TET2: variants seen among roughly 807,000 people sequenced by gnomAD.
TET2 encodes the protein methylcytosine dioxygenase TET2.
A neutral mutation model predicts 142.9 loss-of-function variants in TET2; 299 were observed. The ratio of observed to expected loss-of-function variants is 2.09; its 90% CI spans 1.90 to 2.30. TET2 has a LOEUF of 2.30. TET2 is among the 30% of genes most tolerant of loss of function. The pLI, the probability that TET2 is intolerant of heterozygous loss-of-function variation, is 0.00. For missense variants in TET2, 2,418 were observed against 2,378.0 expected (o/e 1.02, Z -0.35); for synonymous variants, 819 against 849.0 (o/e 0.96, Z 0.61).
intron 3 of TET2, chr4:105,239,016 G>C (rs1251860597): frequency 4.1e-6 from 1 of 242,350 alleles, no homozygotes; most frequent in African/African-American, 2.2e-5. Flanking sequence ...CGGAGCTCTT[G>C]GGTGACTAGG....
At chr4:105,213,875 T>C (rs1442307639) in intron 2 of TET2, among the ~76,000 whole-genome samples, 1 of 152,190 alleles carries the variant, frequency 6.6e-6, no homozygotes, top group African/African-American at 2.4e-5. Flanking sequence ...GCTACGTTTT[T>C]TTAAGGCAGA....
At chr4:105,207,968 T>C (rs1456916100) in intron 2 of TET2, among the ~76,000 whole-genome samples, 2 of 152,168 alleles carry the variant, frequency 1.3e-5, no homozygotes, top group African/African-American at 2.4e-5. Context: ...AATTCCATTT[T>C]GGATAAGTTG....
At chr4:105,247,714 C>CTTTTT (rs1206510081) in intron 6 of TET2, among the ~76,000 whole-genome samples, 3,089 of 65,440 alleles carry the variant, frequency 0.047, 3 homozygotes, top group Middle Eastern at 0.083. Flanking sequence ...TTTTTCTTTT[C>CTTTTT]TTTTTTTTTT....
chr4:105,230,053 ATT>A (rs1491539939), intron 2 of TET2, among the ~76,000 whole-genome samples: 4 of 151,788 alleles, frequency 2.6e-5, no homozygotes, highest in African/African-American at 7.3e-5. Flanking sequence ...ATATATATAT[ATT>A]TTTTGAGACA....
rs1731153559 is a variant in TET2, at chr4:105,275,307, C to T, written c.4797C>T (p.Ser1599=). The change falls in exon 11 of 11, where the codon TCC becomes TCT. Residue 1599 remains serine, a synonymous_variant. Coordinates refer to ENST00000380013, the MANE Select transcript of TET2 (RefSeq NM_001127208.3). The part of the protein sequence containing the change: ...YGSTSPMNFY[S]TSSQAAGSYL... ...GCACCAGCCCTATGAACTTCTATTC[C>T]ACCTCATCTCAAGCTGCAGGTTCAT... The T allele has an allele frequency of 1.9e-6, 3 of 1,551,978 alleles. No individual in the cohort carries two copies. The highest frequency in any genetic ancestry group is 2.4e-5 in the East Asian group (1 of 40,928).
intron 2 of TET2, among the ~76,000 whole-genome samples, chr4:105,231,145 T>A (rs1728483744): frequency 6.6e-6 from 1 of 152,168 alleles, no homozygotes; most frequent in Non-Finnish European, 1.5e-5. Context: ...TGCTTTTAAA[T>A]ATCTTTTAAT....
chr4:105,267,024 G>GA (rs1175799336), intron 8 of TET2, among the ~76,000 whole-genome samples: 1 of 151,170 alleles, frequency 6.6e-6, no homozygotes, highest in Non-Finnish European at 1.5e-5. Context: ...CACTAGGTGG[G>GA]AAAAAATAAG....
intron 6 of TET2, among the ~76,000 whole-genome samples, chr4:105,258,987 A>G (rs1014915410): frequency 6.6e-6 from 1 of 152,208 alleles, no homozygotes; most frequent in Non-Finnish European, 1.5e-5. Context: ...AAGTACAACT[A>G]CATGCAGTGA....
At chr4:105,159,710 A>G (rs1007452433) in intron 1 of TET2, among the ~76,000 whole-genome samples, 1 of 152,178 alleles carries the variant, frequency 6.6e-6, no homozygotes, top group Non-Finnish European at 1.5e-5. Context: ...TCCCAGCCTC[A>G]CAAAATGCCT....
Position 105,279,537 on chromosome 4 carries a change from GA to G in TET2, c.*3020del, listed in dbSNP as rs1199569197. The stretch of plus-strand genomic sequence containing the variant: ...GCACAGTGATGTACAGTTCACTTCT[GA>G]AGCTAGTGGTTAACTTGTGTAGGAA... On this transcript the variant is annotated 3_prime_UTR_variant, in exon 11 of 11. Coordinates refer to ENST00000380013, the MANE Select transcript of TET2 (RefSeq NM_001127208.3). The G allele has an allele frequency of 4.3e-6, 1 of 232,530 alleles. No individual in the cohort carries two copies. The highest frequency in any genetic ancestry group is 8.5e-6 in the Non-Finnish European group (1 of 117,720). The allele number at this position is 232,530 out of a possible 1,614,324, so 14.4% of individuals were successfully genotyped here.
chr4:105,204,224 A>G (rs562920271), intron 2 of TET2, among the ~76,000 whole-genome samples: 1 of 93,224 alleles, frequency 1.1e-5, no homozygotes, highest in East Asian at 2.4e-4. Context: ...CCAAAAAAAA[A>G]AAAAATATAT....
At chr4:105,206,992 A>G (rs767887677) in intron 2 of TET2, among the ~76,000 whole-genome samples, 2 of 152,192 alleles carry the variant, frequency 1.3e-5, no homozygotes, top group Non-Finnish European at 2.9e-5. Flanking sequence ...GTTTGGAGTA[A>G]ACTTGTTTTT....
At chr4:105,186,597 C>T (rs1225586102) in intron 1 of TET2, among the ~76,000 whole-genome samples, 1 of 151,676 alleles carries the variant, frequency 6.6e-6, no homozygotes, top group Non-Finnish European at 1.5e-5. Flanking sequence ...TCAGCCTCCC[C>T]AGTAGCTGGG....
chr4:105,276,486 T>C lies in TET2; in HGVS notation c.5976T>C (p.Thr1992=). 6.4e-7 allele frequency: 1 copy of C among 1,551,654 alleles called. No homozygotes were observed. The highest frequency in any genetic ancestry group is 2.0e-5 in the Admixed American group (1 of 50,982). The change falls in exon 11 of 11, where the codon ACT becomes ACC. Residue 1992 remains threonine, a synonymous_variant. Transcript: ENST00000380013. Reference sequence around the variant, plus strand: ...TAACTACATCTCCATATGCCTTCACTCGGGTCACAGGGCCTTACAACAGAT... The same window carrying C: ...TAACTACATCTCCATATGCCTTCACCCGGGTCACAGGGCCTTACAACAGAT... ...STVTTSPYAF[T]RVTGPYNRYI
At position 105,259,667 on chromosome 4, in the gene TET2, CT is replaced by C; in HGVS notation, c.3854del (p.Phe1285SerfsTer78). ...GLDPETCGASFSFGCSWSMYY... is the reference protein window; with the variant it reads ...GLDPETCGASXSFGCSWSMYY... ...TGGATCCAGAAACCTGTGGTGCCTC[CT>C]TCTCTTTTGGTTGTTCATGGAGCAT... On this transcript the variant is annotated frameshift_variant, in exon 7 of 11. Coordinates refer to ENST00000380013, the MANE Select transcript of TET2 (RefSeq NM_001127208.3). LOFTEE classifies it high-confidence loss of function. 6.4e-7 allele frequency: 1 copy of C among 1,551,072 alleles called. No homozygotes were observed.
intron 6 of TET2, among the ~76,000 whole-genome samples, chr4:105,245,845 T>A (rs773472089): frequency 1.3e-5 from 2 of 152,236 alleles, no homozygotes; most frequent in Admixed American, 6.5e-5. Flanking sequence ...TCTAAATCAC[T>A]GAAGAACCTC....
At chr4:105,244,490 T>C (rs1314916931) in intron 6 of TET2, among the ~76,000 whole-genome samples, 1 of 151,954 alleles carries the variant, frequency 6.6e-6, no homozygotes, top group Non-Finnish European at 1.5e-5. Context: ...AAACCTTCAG[T>C]TGGAAAAAGC....
intron 1 of TET2, among the ~76,000 whole-genome samples, chr4:105,157,924 C>A (rs540627776): frequency 6.6e-6 from 1 of 152,190 alleles, no homozygotes; most frequent in African/African-American, 2.4e-5. Flanking sequence ...TGATCCACCC[C>A]CTTCTGCTTC....
intron 6 of TET2, among the ~76,000 whole-genome samples, chr4:105,250,591 T>C (rs935674781): frequency 3.3e-5 from 5 of 152,078 alleles, no homozygotes; most frequent in African/African-American, 1.2e-4. Context: ...AGAGTATTGA[T>C]ATCTTAACAT....
Sources: gnomAD v4.1 joint callset for allele counts (sites outside exome capture counted in the v4.1 genomes callset) on GRCh38, gnomAD v4.1.1 for gene constraint, MANE v1.5 for transcripts, NCBI Gene and HGNC (gene_info 2026-07-23, HGNC 2026-07-21) for gene names.